ZEB1: variants seen among roughly 807,000 people sequenced by gnomAD.
ZEB1 encodes zinc finger E-box-binding homeobox 1.
In ZEB1, 21 loss-of-function variants were observed where a neutral mutation model predicts 84.9. The observed-to-expected ratio is 0.25, with a 90% CI of 0.18 to 0.36. The LOEUF is 0.36. Among genes scored for constraint, ZEB1 ranks in the 10% least tolerant of loss-of-function variants. ZEB1 has a pLI of 1.00. For missense variants in ZEB1, 1,104 were observed against 1,330.2 expected, an observed-to-expected ratio of 0.83 and a Z score of 2.65; for synonymous variants, 420 against 471.1, an observed-to-expected ratio of 0.89 and a Z score of 1.41.
At chr10:31,360,384 T>C (rs1390409795) in intron 1 of ZEB1, among the ~76,000 whole-genome samples, 2 of 152,234 alleles carry the variant, frequency 1.3e-5, no homozygotes, top group Non-Finnish European at 2.9e-5. Context: ...GGATTAAATA[T>C]AATGGATATA....
In ZEB1 at chr10:31,337,779, C is replaced by T. The variant is rs189476476; in HGVS notation, c.58+18487C>T. 1.5e-3 allele frequency among the ~76,000 whole-genome samples: 223 copies of T among 150,296 alleles called. 2 individuals carry two copies. Among genetic ancestry groups the T allele is most frequent in the African/African-American group, 5.3e-3 (215 of 40,834 alleles). On this transcript the variant is annotated intron_variant, in intron 1 of 8. Coordinates refer to ENST00000424869, the MANE Select transcript of ZEB1 (RefSeq NM_001174096.2). ...CGGCTCACTGCTGCCTCCGTCTCCC[C>T]GGTCAAGCGATTCTCCTGCCTCAGC...
At position 31,495,767 on chromosome 10, in the gene ZEB1, T is replaced by C. The variant is rs1163221341; in HGVS notation, c.260-9T>C. On this transcript the variant is annotated splice_polypyrimidine_tract_variant and intron_variant, in intron 2 of 8. Coordinates refer to ENST00000424869, the MANE Select transcript of ZEB1 (RefSeq NM_001174096.2). ...TATAGATCTATTTTAATTTCTTCTT[T>C]GATTTCAGCAGGAAAGGAAGGGCAA... 3 of 1,612,586 alleles carry C rather than the reference T, an allele frequency of 1.9e-6. No individual in the cohort carries two copies. The African/African-American group carries it at 4.0e-5, about 22-fold the overall frequency.
intron 1 of ZEB1, among the ~76,000 whole-genome samples, chr10:31,444,867 T>C (rs1017994303): frequency 3.3e-5 from 5 of 151,986 alleles, no homozygotes; most frequent in African/African-American, 7.3e-5. Flanking sequence ...AGCTTTGTTC[T>C]TTTGGCTTAG....
chr10:31,395,155 A>T (rs2050463933), intron 1 of ZEB1, among the ~76,000 whole-genome samples: 2 of 152,190 alleles, frequency 1.3e-5, no homozygotes, highest in African/African-American at 4.8e-5. Context: ...AACTGAATTA[A>T]TGAATAACCT....
chr10:31,510,671 AG>A lies in ZEB1; in HGVS notation c.485del. 1 of 1,611,984 alleles carries A rather than the reference AG, an allele frequency of 6.2e-7. No individual in the cohort carries two copies. Among genetic ancestry groups the A allele is most frequent in the Non-Finnish European group, 8.5e-7 (1 of 1,178,498 alleles). ...TTAAAATATATGATCTTTCTTTTACAGGAACACCAGATGCATTTTCACAATT... is the reference window on the plus strand; with the variant it reads ...TTAAAATATATGATCTTTCTTTTACAGAACACCAGATGCATTTTCACAATT... On this transcript the variant is annotated splice_acceptor_variant, in intron 4 of 8. Coordinates refer to ENST00000424869, the MANE Select transcript of ZEB1 (RefSeq NM_001174096.2). LOFTEE classifies it high-confidence loss of function.
chr10:31,456,303 T>G (rs991905436), intron 1 of ZEB1, among the ~76,000 whole-genome samples: 1 of 152,044 alleles, frequency 6.6e-6, no homozygotes, highest in Non-Finnish European at 1.5e-5. Context: ...AAATACCTAA[T>G]GTAGGTGATG....
chr10:31,450,470 GT>G (rs1010940518), intron 1 of ZEB1, among the ~76,000 whole-genome samples: 1 of 151,812 alleles, frequency 6.6e-6, no homozygotes, highest in Admixed American at 6.6e-5. Flanking sequence ...ACTGCTAATA[GT>G]TTTTTTATTG....
At chr10:31,471,819 C>G (rs964329924) in intron 2 of ZEB1, among the ~76,000 whole-genome samples, 4 of 145,090 alleles carry the variant, frequency 2.8e-5, no homozygotes, top group African/African-American at 1.1e-4. Context: ...AAGTAAAGCT[C>G]TCCTCAGCAA....
Position 31,524,008 on chromosome 10 carries a change from A to G in ZEB1, c.2680A>G (p.Lys894Glu), listed in dbSNP as rs2072905933. 1 of 1,613,996 alleles carries G rather than the reference A, an allele frequency of 6.2e-7. No individual in the cohort carries two copies. The highest frequency in any genetic ancestry group is 8.5e-7 in the Non-Finnish European group (1 of 1,179,942). ...GAATGACTCTGATTCTACACCGCCC[A>G]AAAAGAAAATGCGGAAGACAGAAAA... The part of the protein sequence containing the change: ...DQNDSDSTPP[K>E]KKMRKTENGM... The change falls in exon 8 of 9, where the codon AAA (lysine) becomes GAA (glutamate). Residue 894 changes from lysine to glutamate, a missense_variant. Physicochemically the swap from Lys to Glu is moderately conservative, Grantham distance 56. Transcript: ENST00000424869.
chr10:31,349,033 G>A (rs1590172547), intron 1 of ZEB1, among the ~76,000 whole-genome samples: 2 of 152,020 alleles, frequency 1.3e-5, no homozygotes, highest in African/African-American at 2.4e-5. Flanking sequence ...TATTCCTCCT[G>A]TTTAGATGAA....
chr10:31,471,072 A>C (rs1471197601), intron 2 of ZEB1, among the ~76,000 whole-genome samples: 1 of 132,082 alleles, frequency 7.6e-6, no homozygotes, highest in South Asian at 2.9e-4. Context: ...AGCACTAAAC[A>C]TGGAAAGGAA....
In ZEB1 at chr10:31,461,130, C is replaced by T. The variant is rs748737847; in HGVS notation, c.152C>T (p.Ala51Val). The T allele has an allele frequency of 3.7e-6, 6 of 1,613,416 alleles. No homozygotes were observed. The highest frequency in any genetic ancestry group is 2.2e-5 in the East Asian group (1 of 44,852). Residue 51 changes from alanine (A) to valine (V), a missense_variant, in exon 2 of 9, where the codon GCT (alanine) becomes GTT (valine). Physicochemically the swap from Ala to Val is moderately conservative, Grantham distance 64 (BLOSUM62 0). Coordinates refer to ENST00000424869, the MANE Select transcript of ZEB1 (RefSeq NM_001174096.2). ...GAAGAAGAAAGTGTTACAGATGCAG[C>T]TGACTGTGAAGGTGTACCAGAGGAT... ...IVEEESVTDA[A>V]DCEGVPEDDL...
At chr10:31,411,581 G>A (rs1017034193) in intron 1 of ZEB1, among the ~76,000 whole-genome samples, 11 of 145,188 alleles carry the variant, frequency 7.6e-5, no homozygotes, top group South Asian at 4.5e-4. Flanking sequence ...GCAGTGAGCC[G>A]AGATTGCGCC....
Position 31,363,087 on chromosome 10 carries a change from C to G in ZEB1, c.58+43795C>G, listed in dbSNP as rs1017756097. The G allele has an allele frequency of 1.1e-5, 17 of 1,533,874 alleles. No individual in the cohort carries two copies. The African/African-American group carries it at 2.3e-4, about 21-fold the overall frequency. Reference sequence around the variant, plus strand: ...GCCCCGACAGTTTTCTTTTGTGGGACCTGTGGCCGGCAGCTCTGGGTGGAG... The same window carrying G: ...GCCCCGACAGTTTTCTTTTGTGGGAGCTGTGGCCGGCAGCTCTGGGTGGAG... On this transcript the variant is annotated intron_variant, in intron 1 of 8. Coordinates refer to ENST00000424869, the MANE Select transcript of ZEB1 (RefSeq NM_001174096.2).
chr10:31,351,300 C>T (rs1024281642), intron 1 of ZEB1, among the ~76,000 whole-genome samples: 4 of 152,098 alleles, frequency 2.6e-5, no homozygotes, highest in South Asian at 2.1e-4. Context: ...TAGAATCTTT[C>T]GTAGTGTCTG....
chr10:31,442,267 A>G (rs1249886945), intron 1 of ZEB1, among the ~76,000 whole-genome samples: 4 of 152,204 alleles, frequency 2.6e-5, no homozygotes, highest in Non-Finnish European at 4.4e-5. Flanking sequence ...AGGGACATGG[A>G]TGAAGCTGGA....
chr10:31,473,581 C>T (rs1438547487), intron 2 of ZEB1, among the ~76,000 whole-genome samples: 1 of 150,522 alleles, frequency 6.6e-6, no homozygotes, highest in African/African-American at 2.4e-5. Flanking sequence ...AATGGAAGAA[C>T]ATTCCATGCT....
intron 4 of ZEB1, among the ~76,000 whole-genome samples, chr10:31,506,974 T>C (rs1048386105): frequency 2.0e-5 from 3 of 152,146 alleles, no homozygotes; most frequent in African/African-American, 7.2e-5. Flanking sequence ...TTCCTGTCAC[T>C]TCCATGGATA....
chr10:31,418,192 C>T (rs1490033841), intron 1 of ZEB1, among the ~76,000 whole-genome samples: 1 of 151,932 alleles, frequency 6.6e-6, no homozygotes, highest in South Asian at 2.1e-4. Flanking sequence ...CCTAAACCTT[C>T]CCATGTAGGA....
Sources: gnomAD v4.1 joint callset for allele counts (sites outside exome capture counted in the v4.1 genomes callset) on GRCh38, gnomAD v4.1.1 for gene constraint, MANE v1.5 for transcripts, NCBI Gene and HGNC (gene_info 2026-07-23, HGNC 2026-07-21) for gene names.